COL19A1: variants seen among roughly 807,000 people sequenced by gnomAD.
COL19A1 encodes the protein collagen alpha-1(XIX) chain.
A neutral mutation model predicts 190.2 loss-of-function variants in COL19A1; 159 were observed. That is an observed-to-expected ratio of 0.84 (90% CI 0.73 to 0.95). The LOEUF (loss-of-function observed/expected upper bound fraction) is 0.95. Ranked by LOEUF, COL19A1 falls within the 40% of genes least tolerant of loss-of-function variation. The pLI, the probability that COL19A1 is intolerant of heterozygous loss-of-function variation, is 0.00. For missense variants in COL19A1, 1,418 were observed against 1,431.9 expected, an observed-to-expected ratio of 0.99 and a Z score of 0.16; for synonymous variants, 509 against 458.9, an observed-to-expected ratio of 1.11 and a Z score of -1.39.
chr6:70,174,930 G>A (rs569481342), intron 41 of COL19A1, among the ~76,000 whole-genome samples: 3 of 152,126 alleles, frequency 2.0e-5, no homozygotes, highest in Admixed American at 6.5e-5. Context: ...TTATGGATGG[G>A]CAGCAAATAT....
intron 11 of COL19A1, among the ~76,000 whole-genome samples, chr6:69,985,656 C>T (rs926372791): frequency 1.3e-5 from 2 of 152,232 alleles, no homozygotes; most frequent in Non-Finnish European, 2.9e-5. Context: ...TCAAAAATTC[C>T]TTAAACTTCT....
intron 2 of COL19A1, among the ~76,000 whole-genome samples, chr6:69,897,540 C>T (rs1396503456): frequency 1.3e-5 from 2 of 151,746 alleles, no homozygotes; most frequent in East Asian, 3.9e-4. Flanking sequence ...GAGATAAAAC[C>T]AAGAACTAAC....
In COL19A1 at chr6:69,891,445, A is replaced by G. The variant is rs149395835; in HGVS notation, c.92-7503A>G. On this transcript the variant is annotated intron_variant, in intron 2 of 50. Transcript: ENST00000620364. ...CCTTTTAAAGGAGTCCCAGGGATTC[A>G]GGATGCATTTGAAAGGGGTACAGAC... Among the ~76,000 whole-genome samples, 678 of 152,270 alleles carry G rather than the reference A, an allele frequency of 4.5e-3. 3 individuals carry two copies. The highest frequency in any genetic ancestry group is 0.01 in the Middle Eastern group (3 of 294).
intron 1 of COL19A1, among the ~76,000 whole-genome samples, chr6:69,874,443 C>A (rs950170884): frequency 6.6e-6 from 1 of 152,150 alleles, no homozygotes; most frequent in African/African-American, 2.4e-5. Context: ...CCTCAAATAG[C>A]GAACACATTT....
At chr6:70,022,191 TATAAA>T (rs1778452607) in intron 11 of COL19A1, among the ~76,000 whole-genome samples, 1 of 152,026 alleles carries the variant, frequency 6.6e-6, no homozygotes, top group Non-Finnish European at 1.5e-5. Context: ...AAACAGAAAA[TATAAA>T]GAAGAGAATA....
At chr6:70,142,101 C>A (rs1449527737) in intron 22 of COL19A1, 25 bp downstream of exon 22, 1 of 1,600,886 alleles carries the variant, frequency 6.2e-7, no homozygotes, top group South Asian at 1.1e-5. Context: ...ACTAAGATTT[C>A]TTGGGAAATA....
intron 18 of COL19A1, among the ~76,000 whole-genome samples, chr6:70,131,988 T>G (rs2150224622): frequency 6.6e-6 from 1 of 152,100 alleles, no homozygotes; most frequent in South Asian, 2.1e-4. Context: ...CTCCTCTCAC[T>G]CAAATAAATA....
chr6:69,872,641 C>T (rs1218812971), intron 1 of COL19A1, among the ~76,000 whole-genome samples: 1 of 152,206 alleles, frequency 6.6e-6, no homozygotes, highest in Non-Finnish European at 1.5e-5. Flanking sequence ...AAAATTATTC[C>T]ATATGGCAAA....
intron 42 of COL19A1, 57 bp from the exon 43 acceptor site, chr6:70,180,255 A>G: frequency 6.3e-7 from 1 of 1,594,294 alleles, no homozygotes; most frequent in South Asian, 1.1e-5. Context: ...GAAGAGAAGC[A>G]TATGGTGTCG....
Position 70,032,347 on chromosome 6 carries a change from A to G in COL19A1, c.1081-1898A>G, listed in dbSNP as rs939912548. On this transcript the variant is annotated intron_variant, in intron 12 of 50. Coordinates refer to ENST00000620364, the MANE Select transcript of COL19A1 (RefSeq NM_001858.6). ...GGGGGCCATGGTCCAGGTCTAGCTG[A>G]GAAGAGGGCTCAGAGAACCATGACT... Among the ~76,000 whole-genome samples, 6 of 152,306 alleles carry G rather than the reference A, an allele frequency of 3.9e-5. No individual in the cohort carries two copies. The East Asian group carries it at 5.8e-4, about 15-fold the overall frequency.
At chr6:70,000,720 C>G (rs1460459776) in intron 11 of COL19A1, among the ~76,000 whole-genome samples, 2 of 151,736 alleles carry the variant, frequency 1.3e-5, no homozygotes, top group African/African-American at 4.8e-5. Flanking sequence ...GGGTTGTTTG[C>G]TTTTTTTCTT....
chr6:70,030,173 T>G (rs1778973912), intron 12 of COL19A1, among the ~76,000 whole-genome samples: 1 of 152,156 alleles, frequency 6.6e-6, no homozygotes, highest in Non-Finnish European at 1.5e-5. Context: ...ATTGGCTACA[T>G]CATCCCTTCC....
chr6:70,157,561 C>T (rs1247753701), intron 34 of COL19A1, among the ~76,000 whole-genome samples: 3 of 151,918 alleles, frequency 2.0e-5, no homozygotes, highest in Non-Finnish European at 4.4e-5. Flanking sequence ...TTTTACATTA[C>T]CAGTAATCAT....
chr6:70,176,147 A>T (rs943424952), intron 41 of COL19A1, among the ~76,000 whole-genome samples: 12 of 152,212 alleles, frequency 7.9e-5, no homozygotes. Context: ...GAAGACACTC[A>T]AAGTGCTTAA....
intron 15 of COL19A1, among the ~76,000 whole-genome samples, chr6:70,073,019 C>T (rs1781653262): frequency 6.7e-6 from 1 of 149,416 alleles, no homozygotes; most frequent in Admixed American, 6.7e-5. Context: ...GAGAGTTTTG[C>T]TCTTGTTGCC....
At chr6:70,079,964 A>G (rs1782140138) in intron 15 of COL19A1, among the ~76,000 whole-genome samples, 1 of 152,208 alleles carries the variant, frequency 6.6e-6, no homozygotes, top group South Asian at 2.1e-4. Context: ...ACAACAAACA[A>G]TAATAAATTA....
chr6:70,183,221 G>A (rs993168028), intron 44 of COL19A1, among the ~76,000 whole-genome samples: 9 of 152,154 alleles, frequency 5.9e-5, no homozygotes, highest in Non-Finnish European at 1.0e-4. Context: ...GCAAAGATAC[G>A]TGGTTTTCTT....
intron 1 of COL19A1, among the ~76,000 whole-genome samples, chr6:69,878,921 A>G (rs1006927360): frequency 2.0e-5 from 3 of 152,228 alleles, no homozygotes; most frequent in Admixed American, 6.5e-5. Flanking sequence ...CCTTTAGGAC[A>G]TATGTTAAGT....
chr6:70,082,898 C>T (rs1032823959), intron 15 of COL19A1, among the ~76,000 whole-genome samples: 4 of 152,148 alleles, frequency 2.6e-5, no homozygotes, highest in Admixed American at 6.5e-5. Context: ...CTAGATTCTT[C>T]GCCATGAGTG....
Sources: allele counts gnomAD v4.1 joint callset (sites outside exome capture counted in the v4.1 genomes callset), GRCh38; gene constraint gnomAD v4.1.1; transcripts MANE v1.5; gene names NCBI Gene and HGNC (gene_info 2026-07-23, HGNC 2026-07-21).